RBFOX1: variants seen among roughly 807,000 people sequenced by gnomAD.
RBFOX1 encodes the protein RNA binding fox-1 homolog 1, also known as RNA binding protein fox-1 homolog 1.
In RBFOX1, 8 loss-of-function variants were observed where a neutral mutation model predicts 57.7. That is an observed-to-expected ratio of 0.14 (90% CI 0.08 to 0.25). The LOEUF is 0.25. RBFOX1 is among the 10% of genes least tolerant of loss of function. The pLI, the probability that RBFOX1 is intolerant of heterozygous loss-of-function variation, is 1.00. For missense variants in RBFOX1, 611 were observed against 548.5 expected, an observed-to-expected ratio of 1.11 and a Z score of -1.14; for synonymous variants, 326 against 222.4, an observed-to-expected ratio of 1.47 and a Z score of -4.15.
chr16:7,595,441 C>A, intron 7 of RBFOX1, 108 bp from the exon 8 acceptor site: 1 of 829,784 alleles, frequency 1.2e-6, no homozygotes, highest in Non-Finnish European at 1.8e-6. Context: ...TGTTACAGAA[C>A]TGAAGCCAGG....
intron 3 of RBFOX1, among the ~76,000 whole-genome samples, chr16:6,859,129 A>ATG (rs1567592071): frequency 8.9e-4 from 67 of 75,662 alleles, no homozygotes; most frequent in African/African-American, 5.1e-3. Context: ...ATATATATAT[A>ATG]CATATATATA....
At chr16:6,907,945 T>G (rs1472814330) in intron 3 of RBFOX1, among the ~76,000 whole-genome samples, 2 of 151,674 alleles carry the variant, frequency 1.3e-5, no homozygotes, top group Non-Finnish European at 3.0e-5. Context: ...TCCACCTGCA[T>G]GTTTACATAG....
intron 2 of RBFOX1, among the ~76,000 whole-genome samples, chr16:6,464,321 C>T (rs773774275): frequency 1.5e-4 from 23 of 152,074 alleles, no homozygotes; most frequent in South Asian, 4.2e-4. Flanking sequence ...GCTGCTTTTA[C>T]GAAAAGATAT....
intron 4 of RBFOX1, among the ~76,000 whole-genome samples, chr16:7,495,539 G>A (rs901745820): frequency 6.6e-6 from 1 of 152,110 alleles, no homozygotes; most frequent in African/African-American, 2.4e-5. Context: ...GTATCTCACT[G>A]TGGTTTAGAT....
intron 3 of RBFOX1, among the ~76,000 whole-genome samples, chr16:6,936,500 C>A: frequency 6.6e-6 from 1 of 152,110 alleles, no homozygotes; most frequent in East Asian, 1.9e-4. Context: ...AATTGACTCC[C>A]GACTATGTAT....
At chr16:7,231,182 C>A (rs1336200115) in intron 4 of RBFOX1, among the ~76,000 whole-genome samples, 2 of 152,200 alleles carry the variant, frequency 1.3e-5, no homozygotes, top group Non-Finnish European at 2.9e-5. Context: ...AACTCCCATT[C>A]TGCCAACAGA....
intron 2 of RBFOX1, among the ~76,000 whole-genome samples, chr16:6,508,030 G>A (rs2096152516): frequency 6.6e-6 from 1 of 152,098 alleles, no homozygotes. Flanking sequence ...ATACTATGCA[G>A]CCATAAAAAA....
At chr16:6,812,488 C>G (rs1379763837) in intron 3 of RBFOX1, among the ~76,000 whole-genome samples, 1 of 152,090 alleles carries the variant, frequency 6.6e-6, no homozygotes, top group African/African-American at 2.4e-5. Flanking sequence ...ATTCTCTTGC[C>G]ATAGCCTACT....
At chr16:7,426,773 A>G (rs2098619546) in intron 4 of RBFOX1, among the ~76,000 whole-genome samples, 1 of 152,146 alleles carries the variant, frequency 6.6e-6, no homozygotes, top group African/African-American at 2.4e-5. Context: ...TGGTCTGCAG[A>G]CAGGAGACTA....
At chr16:5,941,762 C>T (rs781150287) in intron 4 of RBFOX1, among the ~76,000 whole-genome samples, 1 of 151,976 alleles carries the variant, frequency 6.6e-6, no homozygotes, top group Non-Finnish European at 1.5e-5. Context: ...AAGACTAAAA[C>T]CTCTTCCCGT....
intron 1 of RBFOX1, among the ~76,000 whole-genome samples, chr16:6,222,919 C>G (rs2097386082): frequency 6.6e-6 from 1 of 151,752 alleles, no homozygotes; most frequent in Non-Finnish European, 1.5e-5. Context: ...TCTCATTGTT[C>G]AATTCCCATC....
rs142891508 is a variant in RBFOX1, at chr16:7,372,777, AAGGG to A, written c.28-145362_28-145359del. ...ATGGGAAAAGGAGAAGAGAGGGAGA[AAGGG>A]AGGGAGGAAGAGAAGGAGGAAAAGA... On this transcript the variant is annotated intron_variant, in intron 4 of 15. Coordinates refer to ENST00000550418, the MANE Select transcript of RBFOX1 (RefSeq NM_018723.4). 3.5e-3 allele frequency among the ~76,000 whole-genome samples: 526 copies of A among 152,160 alleles called. 4 individuals are homozygous for A. Among genetic ancestry groups the A allele is most frequent in the African/African-American group, 0.012 (510 of 41,538 alleles).
chr16:5,631,297 G>A lies in RBFOX1; in HGVS notation c.318+32336G>A, dbSNP rs529375676. Among the ~76,000 whole-genome samples the A allele has an allele frequency of 2.1e-3, 315 of 152,226 alleles. 2 individuals are homozygous for A. Among genetic ancestry groups the A allele is most frequent in the African/African-American group, 7.0e-3 (291 of 41,522 alleles). On this transcript the variant is annotated intron_variant, in intron 3 of 19. Transcript: ENST00000641259. Reference sequence around the variant, plus strand: ...TCTTCGGGCAGGCGTGGTGGCTTACGCCTGTAATCCCAGCATTTTGGGAAG... The same window carrying A: ...TCTTCGGGCAGGCGTGGTGGCTTACACCTGTAATCCCAGCATTTTGGGAAG...
At chr16:6,983,098 T>G (rs1034179341) in intron 3 of RBFOX1, among the ~76,000 whole-genome samples, 12 of 150,340 alleles carry the variant, frequency 8.0e-5, no homozygotes, top group Non-Finnish European at 1.3e-4. Flanking sequence ...TGCTGAGACA[T>G]GAGTTACAGT....
chr16:6,909,788 T>G (rs2153429747), intron 3 of RBFOX1, among the ~76,000 whole-genome samples: 1 of 152,276 alleles, frequency 6.6e-6, no homozygotes, highest in Admixed American at 6.5e-5. Flanking sequence ...CTTCCCTTAT[T>G]ACCTGCAGCC....
chr16:6,473,045 G>T (rs1345821058), intron 2 of RBFOX1, among the ~76,000 whole-genome samples: 1 of 152,072 alleles, frequency 6.6e-6, no homozygotes, highest in Admixed American at 6.6e-5. Flanking sequence ...ATAACAGAGA[G>T]GAACACCCAT....
At chr16:7,261,186 G>A (rs1361272319) in intron 4 of RBFOX1, among the ~76,000 whole-genome samples, 1 of 152,188 alleles carries the variant, frequency 6.6e-6, no homozygotes, top group African/African-American at 2.4e-5. Flanking sequence ...TGTTTTGGCT[G>A]TGTGAATTTG....
At chr16:5,781,501 A>C (rs1331563649) in intron 3 of RBFOX1, among the ~76,000 whole-genome samples, 4 of 152,186 alleles carry the variant, frequency 2.6e-5, no homozygotes, top group Non-Finnish European at 5.9e-5. Flanking sequence ...CATATTTACA[A>C]ATGTTCTCTA....
intron 2 of RBFOX1, among the ~76,000 whole-genome samples, chr16:6,353,501 A>C (rs1377049850): frequency 6.6e-6 from 1 of 151,886 alleles, no homozygotes; most frequent in African/African-American, 2.4e-5. Context: ...AGTGTAGGGC[A>C]TGGTGCTGGG....
Sources: gnomAD v4.1 joint callset for allele counts (sites outside exome capture counted in the v4.1 genomes callset) on GRCh38, gnomAD v4.1.1 for gene constraint, MANE v1.5 for transcripts, NCBI Gene and HGNC (gene_info 2026-07-23, HGNC 2026-07-21) for gene names.